The following TAS2R1 variants were observed in gnomAD, a reference collection of about 807,000 sequenced individuals.
TAS2R1 encodes taste receptor type 2 member 1.
For missense variants in TAS2R1, 370 were observed against 353.4 expected (o/e 1.05, Z -0.38); for synonymous variants, 141 against 134.2 (o/e 1.05, Z -0.35).
chr5:9,643,852 T>C (rs769544363), intron 2 of TAS2R1, among the ~76,000 whole-genome samples: 12 of 152,126 alleles, frequency 7.9e-5, no homozygotes, highest in Non-Finnish European at 1.5e-5. Flanking sequence ...AGAGGTGCTA[T>C]TTTAGAAAGT....
the TAS2R1 span, among the ~76,000 whole-genome samples, chr5:9,902,969 T>C: frequency 2.0e-5 from 3 of 151,968 alleles, 1 homozygote; most frequent in Non-Finnish European, 1.5e-5. Flanking sequence ...TGTGAGTATG[T>C]AGTAAGTGTA....
the TAS2R1 span, among the ~76,000 whole-genome samples, chr5:9,806,154 C>CA: frequency 3.9e-3 from 588 of 151,052 alleles, 20 homozygotes; most frequent in East Asian, 0.067. Flanking sequence ...ACAATAGCTG[C>CA]AAAAAAAATA....
the TAS2R1 span, among the ~76,000 whole-genome samples, chr5:9,812,193 T>C: frequency 1.3e-5 from 2 of 152,104 alleles, no homozygotes; most frequent in African/African-American, 2.4e-5. Context: ...GCAAAGACTA[T>C]ACTACATCCC....
chr5:9,865,927 C>T, the TAS2R1 span, among the ~76,000 whole-genome samples: 3 of 152,202 alleles, frequency 2.0e-5, no homozygotes, highest in East Asian at 5.8e-4. Context: ...GATTTTGAGT[C>T]TTAATGTCCT....
At chr5:9,639,454 A>G (rs894266777) in intron 2 of TAS2R1, among the ~76,000 whole-genome samples, 4 of 151,896 alleles carry the variant, frequency 2.6e-5, no homozygotes, top group Admixed American at 1.3e-4. Flanking sequence ...TGCTTTGGGA[A>G]CTCACAGTTT....
chr5:9,682,871 G>A (rs1323272558), intron 1 of TAS2R1, among the ~76,000 whole-genome samples: 1 of 152,090 alleles, frequency 6.6e-6, no homozygotes. Flanking sequence ...GCTGCCAGTG[G>A]CCTCATTGTT....
the TAS2R1 span, among the ~76,000 whole-genome samples, chr5:9,733,582 C>A: frequency 2.7e-3 from 412 of 152,318 alleles, 13 homozygotes; most frequent in East Asian, 0.06. Context: ...AAAACATTAG[C>A]ATTTGGCTTC....
chr5:9,703,525 C>G (rs79008374), intron 1 of TAS2R1, among the ~76,000 whole-genome samples: 3,861 of 152,108 alleles, frequency 0.025, 124 homozygotes, highest in African/African-American at 0.087. Context: ...GGGACTGTAC[C>G]TGCACAGGGG....
chr5:9,677,282 G>A (rs998448460), intron 1 of TAS2R1, among the ~76,000 whole-genome samples: 3 of 152,034 alleles, frequency 2.0e-5, no homozygotes, highest in Non-Finnish European at 2.9e-5. Flanking sequence ...GGAGGGAGAG[G>A]ATCAGGAAAA....
chr5:9,797,825 A>T, the TAS2R1 span, among the ~76,000 whole-genome samples: 2 of 152,226 alleles, frequency 1.3e-5, no homozygotes, highest in South Asian at 4.1e-4. Flanking sequence ...CGTAGATTTT[A>T]AAAAATGAAT....
chr5:9,629,511 T>C lies in TAS2R1; in HGVS notation c.522A>G (p.Ile174Met), dbSNP rs563272071. ...ACTCAGCAACAAAAGAGAAAATCTG[T>C]ATAGCCAGTGTATCTTCTTTTTGAA... ...ATIQKEDTLAIQIFSFVAEFS... is the reference protein window; with the variant it reads ...ATIQKEDTLAMQIFSFVAEFS... The change falls in exon 1 of 1, where the codon ATA becomes ATG. Residue 174 changes from isoleucine to methionine, a missense_variant. Coordinates refer to ENST00000382492, the MANE Select transcript of TAS2R1 (RefSeq NM_019599.3). 2 of 1,614,152 alleles carry C rather than the reference T, an allele frequency of 1.2e-6. No homozygotes were observed. Among genetic ancestry groups the C allele is most frequent in the East Asian group, 2.2e-5 (1 of 44,876 alleles).
At chr5:9,845,603 C>G in the TAS2R1 span, among the ~76,000 whole-genome samples, 4,383 of 152,132 alleles carry the variant, frequency 0.029, 211 homozygotes, top group African/African-American at 0.099. Flanking sequence ...GCCCCAAGTA[C>G]TTCAGAAATA....
chr5:9,756,229 TG>T, the TAS2R1 span, among the ~76,000 whole-genome samples: 1 of 152,224 alleles, frequency 6.6e-6, no homozygotes, highest in Admixed American at 6.5e-5. Context: ...ATTGCTGGCC[TG>T]TACCTTACGC....
At chr5:9,774,376 TTC>T in the TAS2R1 span, among the ~76,000 whole-genome samples, 3 of 152,258 alleles carry the variant, frequency 2.0e-5, no homozygotes, top group African/African-American at 7.2e-5. Flanking sequence ...CTATTTTGAA[TTC>T]TCTGTCTGAA....
At chr5:9,892,184 G>A in the TAS2R1 span, among the ~76,000 whole-genome samples, 1 of 152,136 alleles carries the variant, frequency 6.6e-6, no homozygotes, top group Admixed American at 6.5e-5. Flanking sequence ...CTAATGTAGA[G>A]CAGCCAGCCT....
At chr5:9,789,189 T>G in the TAS2R1 span, among the ~76,000 whole-genome samples, 6 of 152,116 alleles carry the variant, frequency 3.9e-5, no homozygotes, top group African/African-American at 7.2e-5. Context: ...GGAAAGGTAT[T>G]TGATACAAAG....
At chr5:9,779,035 T>C in the TAS2R1 span, among the ~76,000 whole-genome samples, 2 of 152,230 alleles carry the variant, frequency 1.3e-5, no homozygotes, top group Non-Finnish European at 1.5e-5. Context: ...GCAAATATCA[T>C]GTTGAAATGT....
chr5:9,761,269 T>G, the TAS2R1 span, among the ~76,000 whole-genome samples: 1 of 152,216 alleles, frequency 6.6e-6, no homozygotes, highest in Non-Finnish European at 1.5e-5. Flanking sequence ...CTGCAAGGAA[T>G]AGCAAAACAT....
At chr5:9,842,569 C>T in the TAS2R1 span, among the ~76,000 whole-genome samples, 21 of 152,144 alleles carry the variant, frequency 1.4e-4, no homozygotes, top group South Asian at 6.2e-4. Context: ...GCAATCTGCC[C>T]GCCTCAGCCT....
Sources: allele counts gnomAD v4.1 joint callset (sites outside exome capture counted in the v4.1 genomes callset), GRCh38; gene constraint gnomAD v4.1.1; transcripts MANE v1.5; gene names NCBI Gene and HGNC (gene_info 2026-07-23, HGNC 2026-07-21).